Variants in AGAP5 observed in about 807,000 individuals in gnomAD.
AGAP5 encodes the protein arf-GAP with GTPase, ANK repeat and PH domain-containing protein 5.
A neutral mutation model predicts 27.7 loss-of-function variants in AGAP5; 8 were observed. The observed-to-expected ratio is 0.29, with a 90% CI of 0.17 to 0.52. The LOEUF is 0.52. AGAP5 is among the 20% of genes least tolerant of loss of function. AGAP5 has a pLI of 0.97. For synonymous variants in AGAP5, 111 were observed against 338.0 expected, an observed-to-expected ratio of 0.33 and a Z score of 7.37; for missense variants, 285 against 880.8, an observed-to-expected ratio of 0.32 and a Z score of 8.56.
At chr10:73,694,071 G>T (rs1024126331) in intron 3 of AGAP5, among the ~76,000 whole-genome samples, 1 of 152,094 alleles carries the variant, frequency 6.6e-6, no homozygotes, top group South Asian at 2.1e-4. Flanking sequence ...ACCCTCACTT[G>T]TATTCTTGCT....
chr10:73,690,559 G>A (rs540385654), intron 4 of AGAP5, among the ~76,000 whole-genome samples: 40 of 147,312 alleles, frequency 2.7e-4, no homozygotes, highest in Non-Finnish European at 5.4e-4. Context: ...ATTGTCCTGT[G>A]ACCCTGCCAA....
chr10:73,696,500 C>A (rs2082163384), intron 2 of AGAP5, among the ~76,000 whole-genome samples: 1 of 152,180 alleles, frequency 6.6e-6, no homozygotes, highest in South Asian at 2.1e-4. Context: ...GACCATGAAC[C>A]AATCCCCACC....
At chr10:73,691,660 T>G (rs2082120441) in intron 4 of AGAP5, among the ~76,000 whole-genome samples, 1 of 152,074 alleles carries the variant, frequency 6.6e-6, no homozygotes, top group Non-Finnish European at 1.5e-5. Context: ...GCCCGGCTAC[T>G]TTTGTATTTT....
chr10:73,686,545 T>C (rs1357664378), intron 4 of AGAP5, among the ~76,000 whole-genome samples: 1 of 152,028 alleles, frequency 6.6e-6, no homozygotes, highest in East Asian at 1.9e-4. Flanking sequence ...CAGAAACAAA[T>C]AGGTGAGACT....
At chr10:73,689,005 C>CGCCTCT (rs1565007168) in intron 4 of AGAP5, among the ~76,000 whole-genome samples, 2 of 151,922 alleles carry the variant, frequency 1.3e-5, no homozygotes, top group East Asian at 1.9e-4. Flanking sequence ...CCTCCGCCTC[C>CGCCTCT]GCCTCTCCCC....
intron 4 of AGAP5, among the ~76,000 whole-genome samples, chr10:73,685,623 G>C (rs1464038709): frequency 1.3e-5 from 2 of 151,224 alleles, no homozygotes; most frequent in African/African-American, 4.9e-5. Flanking sequence ...GGTGATCTTG[G>C]CTCACTGCAA....
rs1483531589 is a variant in AGAP5 at position 73,676,730 on chromosome 10, G to GT, written c.573dup (p.His192ThrfsTer22). 1.8e-6 allele frequency: 2 copies of GT among 1,118,090 alleles called. No homozygotes were observed. Among genetic ancestry groups the GT allele is most frequent in the African/African-American group, 3.5e-5 (2 of 57,822 alleles). The allele number at this position is 1,118,090 out of a possible 1,614,324, so 69.3% of individuals were successfully genotyped here. ...AAAGTGCCACTTACCGCAAATGAGT[G>GT]TAACTGTTCATCAGGTATGCTCAAA... is the stretch of plus-strand genomic sequence containing the variant. On this transcript the variant is annotated frameshift_variant, in exon 7 of 8. Transcript: ENST00000374094. LOFTEE classifies it low-confidence loss of function (END_TRUNC).
intron 4 of AGAP5, among the ~76,000 whole-genome samples, chr10:73,689,352 A>G (rs2082093783): frequency 1.3e-5 from 2 of 152,158 alleles, no homozygotes; most frequent in Admixed American, 1.3e-4. Flanking sequence ...TCCACCTTCC[A>G]GCAGCCTGCC....
At chr10:73,687,607 C>T (rs527811234) in intron 4 of AGAP5, among the ~76,000 whole-genome samples, 82 of 152,094 alleles carry the variant, frequency 5.4e-4, no homozygotes, top group Middle Eastern at 6.8e-3. Context: ...TTAAACAAGG[C>T]CTTAGGAGAA....
In AGAP5 at chr10:73,675,224, C is replaced by T. The variant is rs541390736; in HGVS notation, c.1436G>A (p.Cys479Tyr). 16 of 1,528,294 alleles carry T rather than the reference C, an allele frequency of 1.0e-5. 1 individual carries two copies. The East Asian group carries it at 3.3e-4, about 32-fold the overall frequency. The allele number at this position is 1,528,294 out of a possible 1,614,324, so 94.7% of individuals were successfully genotyped here. A position where few individuals can be genotyped will look rare whatever the true frequency, so the allele number is the denominator to read the frequency against. ...SIQNMRGNAH[C>Y]VDYETQNPKW... Reference sequence around the variant, plus strand: ...AGGATTCTGGGTCTCATAGTCCACACAGTGGGCGTTCCCACGCATGTTTTG... The same window carrying T: ...AGGATTCTGGGTCTCATAGTCCACATAGTGGGCGTTCCCACGCATGTTTTG... Residue 479 changes from cysteine (C) to tyrosine (Y), a missense_variant, in exon 8 of 8, where the codon TGT becomes TAT. By Grantham distance (194) the Cys-to-Tyr change is radical. Coordinates refer to ENST00000374094, the MANE Select transcript of AGAP5 (RefSeq NM_001144000.4).
intron 2 of AGAP5, among the ~76,000 whole-genome samples, chr10:73,696,283 G>T (rs2082161268): frequency 6.6e-6 from 1 of 152,096 alleles, no homozygotes; most frequent in African/African-American, 2.4e-5. Context: ...CTCCCAAAGT[G>T]CTGGGATTAC....
At position 73,697,945 on chromosome 10, in the gene AGAP5, C is replaced by G. The variant is rs929503365; in HGVS notation, c.-190G>C. ...CCCGGCCCCGGCTAGGGCTGCGGGT[C>G]AAGGCCCACACCCTGCTGCCTCCCC... On this transcript the variant is annotated 5_prime_UTR_variant, in exon 1 of 8. Coordinates refer to ENST00000374094, the MANE Select transcript of AGAP5 (RefSeq NM_001144000.4). 2.6e-6 allele frequency: 4 copies of G among 1,517,942 alleles called. No homozygotes were observed. The African/African-American group carries it at 5.5e-5, about 21-fold the overall frequency. The allele number at this position is 1,517,942 out of a possible 1,614,324, so 94.0% of individuals were successfully genotyped here.
At chr10:73,690,391 A>T (rs2082107131) in intron 4 of AGAP5, among the ~76,000 whole-genome samples, 1 of 152,132 alleles carries the variant, frequency 6.6e-6, no homozygotes, top group Non-Finnish European at 1.5e-5. Flanking sequence ...GTGCTTTGTT[A>T]AACAGATGCT....
At position 73,697,530 on chromosome 10, in the gene AGAP5, T is replaced by C. The variant is rs1264641970; in HGVS notation, c.223+3A>G. The C allele has an allele frequency of 3.1e-6, 5 of 1,612,562 alleles. No homozygotes were observed. The highest frequency in any genetic ancestry group is 3.3e-5 in the Admixed American group (2 of 60,004). On this transcript the variant is annotated splice_donor_region_variant and intron_variant, in intron 1 of 7. Coordinates refer to ENST00000374094, the MANE Select transcript of AGAP5 (RefSeq NM_001144000.4). Reference sequence around the variant, plus strand: ...GGGTAGATGGCACCTATCACCTCCTTACCTTCAGGCATCTCCTGGTCACGA... The same window carrying C: ...GGGTAGATGGCACCTATCACCTCCTCACCTTCAGGCATCTCCTGGTCACGA...
chr10:73,688,209 C>T (rs922576205), intron 4 of AGAP5, among the ~76,000 whole-genome samples: 15 of 152,178 alleles, frequency 9.9e-5, no homozygotes, highest in African/African-American at 2.9e-4. Context: ...CAACTTTCTG[C>T]GCTAACTCTG....
chr10:73,695,186 C>T (rs536631733), intron 2 of AGAP5, among the ~76,000 whole-genome samples: 201 of 152,058 alleles, frequency 1.3e-3, no homozygotes, highest in Non-Finnish European at 2.5e-3. Flanking sequence ...GTCTATTTTA[C>T]AGGCAAAATA....
chr10:73,681,453 C>T (rs1351861937), intron 5 of AGAP5: 1 of 985,270 alleles, frequency 1.0e-6, no homozygotes, highest in Non-Finnish European at 1.2e-6. Context: ...CCACTGACAA[C>T]AGTGCACTAC....
chr10:73,697,566 T>C lies in AGAP5; in HGVS notation c.190A>G (p.Met64Val), dbSNP rs1445385064. Residue 64 changes from methionine (M) to valine (V), a missense_variant, in exon 1 of 8, where the codon ATG becomes GTG. Met to Val is a conservative substitution (Grantham distance 21). Transcript: ENST00000374094. ...VTVEVGEDLH[M>V]HHIRDQEMPE... ...ATCTCCTGGTCACGAATGTGGTGCATGTGGAGGTCCTCACCAACTTCAACG... is the reference window on the plus strand; with the variant it reads ...ATCTCCTGGTCACGAATGTGGTGCACGTGGAGGTCCTCACCAACTTCAACG... 15 of 1,612,896 alleles carry C rather than the reference T, an allele frequency of 9.3e-6. No individual in the cohort carries two copies. In the Admixed American group the frequency reaches 2.5e-4, roughly 27 times the overall value.
At position 73,675,560 on chromosome 10, in the gene AGAP5, A is replaced by G; in HGVS notation, c.1100T>C (p.Met367Thr). The G allele has an allele frequency of 6.2e-7, 1 of 1,614,236 alleles. No homozygotes were observed. The change falls in exon 8 of 8, where the codon ATG (methionine) becomes ACG (threonine). Residue 367 changes from methionine to threonine, a missense_variant. By Grantham distance (81) the Met-to-Thr change is moderately conservative. Coordinates refer to ENST00000374094, the MANE Select transcript of AGAP5 (RefSeq NM_001144000.4). ...SSKSNGLSKDMDTGLGDSICF... is the reference protein window; with the variant it reads ...SSKSNGLSKDTDTGLGDSICF... ...TATGGAGTCACCCAGCCCGGTGTCCATGTCCTTGGATAGGCCATTGCTTTT... is the reference window on the plus strand; with the variant it reads ...TATGGAGTCACCCAGCCCGGTGTCCGTGTCCTTGGATAGGCCATTGCTTTT...
Sources: gnomAD v4.1 joint callset for allele counts (sites outside exome capture counted in the v4.1 genomes callset) on GRCh38, gnomAD v4.1.1 for gene constraint, MANE v1.5 for transcripts, NCBI Gene and HGNC (gene_info 2026-07-23, HGNC 2026-07-21) for gene names.